SLC10A7: variants seen among roughly 807,000 people sequenced by gnomAD.
SLC10A7 encodes the protein sodium/bile acid cotransporter 7.
SLC10A7 carries 29 observed loss-of-function variants against 43.2 expected under a neutral mutation model. The observed-to-expected ratio is 0.67, with a 90% CI of 0.50 to 0.92. The LOEUF is 0.92. SLC10A7 is among the 40% of genes least tolerant of loss of function. The pLI is 0.00. For synonymous variants in SLC10A7, 152 were observed against 144.8 expected, an observed-to-expected ratio of 1.05 and a Z score of -0.35; for missense variants, 295 against 403.2, an observed-to-expected ratio of 0.73 and a Z score of 2.30.
chr4:146,384,355 T>C (rs1358102630), intron 5 of SLC10A7, among the ~76,000 whole-genome samples: 2 of 152,094 alleles, frequency 1.3e-5, no homozygotes, highest in African/African-American at 2.4e-5. Context: ...GGTCAAAAGA[T>C]AAATGACTAG....
At chr4:146,424,556 A>T (rs555645499) in intron 5 of SLC10A7, among the ~76,000 whole-genome samples, 1 of 151,960 alleles carries the variant, frequency 6.6e-6, no homozygotes, top group Non-Finnish European at 1.5e-5. Flanking sequence ...GCTACTCAGG[A>T]GGCTGAGGTA....
chr4:146,443,628 C>T (rs1000403746), intron 4 of SLC10A7, among the ~76,000 whole-genome samples: 3 of 152,176 alleles, frequency 2.0e-5, no homozygotes, highest in Non-Finnish European at 2.9e-5. Context: ...CTATTTACAT[C>T]TCCTGCATAC....
At chr4:146,302,267 A>C (rs898433238) in intron 7 of SLC10A7, among the ~76,000 whole-genome samples, 3 of 152,230 alleles carry the variant, frequency 2.0e-5, no homozygotes, top group African/African-American at 7.2e-5. Context: ...GGAGATGAGA[A>C]GTACAGGTAG....
intron 5 of SLC10A7, among the ~76,000 whole-genome samples, chr4:146,437,319 G>A (rs1486799334): frequency 6.6e-6 from 1 of 151,974 alleles, no homozygotes; most frequent in African/African-American, 2.4e-5. Flanking sequence ...GTGCAAAGGT[G>A]GAAACCAACT....
intron 5 of SLC10A7, among the ~76,000 whole-genome samples, chr4:146,419,231 T>G (rs890214235): frequency 2.0e-5 from 3 of 152,084 alleles, no homozygotes; most frequent in Non-Finnish European, 2.9e-5. Context: ...GAAATGGGAT[T>G]GAAAGTCCCT....
intron 4 of SLC10A7, among the ~76,000 whole-genome samples, chr4:146,482,962 A>T (rs1283893295): frequency 6.6e-6 from 1 of 152,100 alleles, no homozygotes; most frequent in Non-Finnish European, 1.5e-5. Flanking sequence ...AGAAAAAAAA[A>T]ACTGACAACC....
chr4:146,335,250 GTAAAAAAAAAAAAA>G (rs1253002996), intron 5 of SLC10A7, among the ~76,000 whole-genome samples: 3 of 70,602 alleles, frequency 4.2e-5, no homozygotes, highest in South Asian at 6.6e-4. Flanking sequence ...CACAGATGTT[GTAAAAAAAAAAAAA>G]AAAAAAAAAA....
intron 4 of SLC10A7, among the ~76,000 whole-genome samples, chr4:146,445,179 G>A (rs1730931761): frequency 6.6e-6 from 1 of 151,946 alleles, no homozygotes; most frequent in Non-Finnish European, 1.5e-5. Flanking sequence ...TTGCTCCCTG[G>A]CCTGAAATAC....
chr4:146,343,592 AG>A (rs1734417082), intron 5 of SLC10A7, among the ~76,000 whole-genome samples: 1 of 152,048 alleles, frequency 6.6e-6, no homozygotes, highest in African/African-American at 2.4e-5. Flanking sequence ...GAGATAAACT[AG>A]TGGTCAAGAG....
intron 4 of SLC10A7, among the ~76,000 whole-genome samples, chr4:146,456,880 A>G (rs1732112401): frequency 6.6e-6 from 1 of 151,986 alleles, no homozygotes; most frequent in Admixed American, 6.6e-5. Flanking sequence ...GGACTCACCA[A>G]GAGTAACCTC....
intron 4 of SLC10A7, among the ~76,000 whole-genome samples, chr4:146,487,718 T>C (rs1735044442): frequency 6.6e-6 from 1 of 152,216 alleles, no homozygotes; most frequent in Admixed American, 6.5e-5. Flanking sequence ...AAAGCAGTCC[T>C]ATGTACTTCA....
chr4:146,324,064 C>T (rs1478039211), intron 6 of SLC10A7, among the ~76,000 whole-genome samples: 1 of 152,078 alleles, frequency 6.6e-6, no homozygotes, highest in East Asian at 1.9e-4. Flanking sequence ...GAGTGAACTC[C>T]CATTCACAAT....
intron 5 of SLC10A7, among the ~76,000 whole-genome samples, chr4:146,354,467 G>T (rs1458173220): frequency 6.6e-6 from 1 of 151,234 alleles, no homozygotes; most frequent in African/African-American, 2.4e-5. Flanking sequence ...TATTGCCCAA[G>T]GTAATTTACA....
intron 2 of SLC10A7, 39 bp from the exon 3 acceptor site, chr4:146,510,088 A>G: frequency 4.5e-6 from 7 of 1,569,360 alleles, no homozygotes; most frequent in Non-Finnish European, 6.0e-6. Flanking sequence ...AAAGGTAAGA[A>G]AACTATTCCT....
chr4:146,320,478 A>T (rs1025655070), intron 6 of SLC10A7, among the ~76,000 whole-genome samples: 1 of 152,006 alleles, frequency 6.6e-6, no homozygotes, highest in Non-Finnish European at 1.5e-5. Context: ...AGAACTTTTG[A>T]TTTTGGGAAT....
intron 11 of SLC10A7, 164 bp from the exon 12 acceptor site, chr4:146,256,684 G>T: frequency 2.0e-6 from 2 of 983,824 alleles, no homozygotes; most frequent in East Asian, 2.6e-5. Context: ...AGATTTCCCT[G>T]CCCACCTCTC....
chr4:146,270,065 T>C (rs575255711), intron 10 of SLC10A7, among the ~76,000 whole-genome samples: 1 of 152,304 alleles, frequency 6.6e-6, no homozygotes, highest in East Asian at 1.9e-4. Flanking sequence ...AGTTTTGATT[T>C]GGGGATTAAA....
At chr4:146,398,517 T>G (rs1213651987) in intron 5 of SLC10A7, among the ~76,000 whole-genome samples, 2 of 152,150 alleles carry the variant, frequency 1.3e-5, no homozygotes, top group Non-Finnish European at 2.9e-5. Flanking sequence ...GTGGAATATT[T>G]GTTATAAGAA....
At chr4:146,521,494 A>G in intron 1 of SLC10A7, 124 bp downstream of exon 1, 2 of 745,480 alleles carry the variant, frequency 2.7e-6, no homozygotes. Context: ...AAAGGGCCAA[A>G]GGCTGGTCAG....
Sources: gnomAD v4.1 joint callset for allele counts (sites outside exome capture counted in the v4.1 genomes callset) on GRCh38, gnomAD v4.1.1 for gene constraint, MANE v1.5 for transcripts, NCBI Gene and HGNC (gene_info 2026-07-23, HGNC 2026-07-21) for gene names.